The following MMP8 variants were observed in gnomAD, a reference collection of about 807,000 sequenced individuals.
The protein encoded by MMP8 is matrix metallopeptidase 8, also known as neutrophil collagenase.
A neutral mutation model predicts 51.2 loss-of-function variants in MMP8; 67 were observed. The observed-to-expected ratio is 1.31, with a 90% confidence interval of 1.08 to 1.60. MMP8 has a LOEUF of 1.60. MMP8 is among the 40% of genes most tolerant of loss of function. MMP8 has a pLI of 0.00. For synonymous variants in MMP8, 225 were observed against 191.0 expected (o/e 1.18, Z -1.47); for missense variants, 654 against 558.1 (o/e 1.17, Z -1.73).
chr11:102,719,470 T>C (rs1940051), intron 4 of MMP8, among the ~76,000 whole-genome samples: 10,749 of 149,962 alleles, frequency 0.072, 563 homozygotes, highest in East Asian at 0.24. Flanking sequence ...AACATTTTTC[T>C]GAAGTTTTAT....
Position 102,713,863 on chromosome 11 carries a change from A to C in MMP8, c.1191-6T>G, listed in dbSNP as rs747303933. The C allele has an allele frequency of 1.4e-5, 22 of 1,599,348 alleles. No homozygotes were observed. The Admixed American group carries it at 3.9e-4, about 28-fold the overall frequency. On this transcript the variant is annotated splice_region_variant and splice_polypyrimidine_tract_variant and intron_variant, in intron 8 of 9. Coordinates refer to ENST00000236826, the MANE Select transcript of MMP8 (RefSeq NM_002424.3). Reference sequence around the variant, plus strand: ...ATTGTCTTTGGTTATCATATCTGGTAAAAACAAAATGTTATCCGATTTAAC... The same window carrying C: ...ATTGTCTTTGGTTATCATATCTGGTCAAAACAAAATGTTATCCGATTTAAC...
At chr11:102,717,713 T>G in intron 5 of MMP8, among the ~76,000 whole-genome samples, 1 of 152,230 alleles carries the variant, frequency 6.6e-6, no homozygotes. Flanking sequence ...TGGCATGATT[T>G]GTACATGTCC....
At chr11:102,720,955 G>A (rs1591680389) in intron 4 of MMP8, among the ~76,000 whole-genome samples, 2 of 151,440 alleles carry the variant, frequency 1.3e-5, no homozygotes, top group South Asian at 4.2e-4. Context: ...TTAAAATAAA[G>A]ATATTCTAAA....
chr11:102,713,353 C>A lies in MMP8; in HGVS notation c.1399G>T (p.Gly467Cys), dbSNP rs1388453700. Residue 467 changes from glycine to cysteine, a missense_variant, in exon 10 of 10, where the codon GGC becomes TGC. By Grantham distance (159) the Gly-to-Cys change is radical. Coordinates refer to ENST00000236826, the MANE Select transcript of MMP8 (RefSeq NM_002424.3). ...CAGCCACATTTGATTTTGCTTCAGC[C>A]ATATCTACAGTTAAGCCATTTATTG... ...RGNKWLNCRY[G>C] 6.2e-7 allele frequency: 1 copy of A among 1,609,078 alleles called. No homozygotes were observed. The highest frequency in any genetic ancestry group is 8.5e-7 in the Non-Finnish European group (1 of 1,175,942).
intron 4 of MMP8, among the ~76,000 whole-genome samples, chr11:102,720,138 A>C (rs1210102712): frequency 6.6e-6 from 1 of 152,244 alleles, no homozygotes; most frequent in Non-Finnish European, 1.5e-5. Context: ...AGACAAGCCA[A>C]GAAAGACAAG....
intron 5 of MMP8, among the ~76,000 whole-genome samples, chr11:102,717,565 C>G (rs1425184784): frequency 6.6e-6 from 1 of 152,188 alleles, no homozygotes; most frequent in Non-Finnish European, 1.5e-5. Flanking sequence ...ATATGTGCAT[C>G]TAGTACCATG....
chr11:102,717,890 C>T (rs899799237), intron 5 of MMP8, among the ~76,000 whole-genome samples: 4 of 152,114 alleles, frequency 2.6e-5, no homozygotes, highest in Admixed American at 6.5e-5. Context: ...GCAGATCACT[C>T]GAGGTCAGGA....
chr11:102,721,836 G>C, intron 2 of MMP8, 74 bp from the exon 3 acceptor site: 1 of 1,528,776 alleles, frequency 6.5e-7, no homozygotes, highest in Non-Finnish European at 8.9e-7. Context: ...GAGTTGTTCT[G>C]TTTTGAAGTG....
chr11:102,713,588 A>G, intron 9 of MMP8, 131 bp from the exon 10 acceptor site: 1 of 997,742 alleles, frequency 1.0e-6, no homozygotes, highest in Non-Finnish European at 1.5e-6. Flanking sequence ...TTTAAACACC[A>G]GGTGCGGTGG....
chr11:102,714,578 A>G lies in MMP8; in HGVS notation c.1168T>C (p.Phe390Leu). Residue 390 changes from phenylalanine to leucine, a missense_variant, in exon 8 of 10, where the codon TTT becomes CTT. By Grantham distance (22) the Phe-to-Leu change is conservative. Transcript: ENST00000236826. ...AVFYRSKTYF[F>L]VNDQFWRYDN... is the part of the protein sequence containing the mutation. Reference sequence around the variant, plus strand: ...TACCTCCAGAATTGGTCATTTACAAAGAAGTATGTTTTACTTCTGTAGAAA... The same window carrying G: ...TACCTCCAGAATTGGTCATTTACAAGGAAGTATGTTTTACTTCTGTAGAAA... 6.8e-7 allele frequency: 1 copy of G among 1,480,986 alleles called. No individual in the cohort carries two copies. Among genetic ancestry groups the G allele is most frequent in the Non-Finnish European group, 9.0e-7 (1 of 1,114,854 alleles). The allele number at this position is 1,480,986 out of a possible 1,614,324, so 91.7% of individuals were successfully genotyped here.
At chr11:102,719,513 C>G (rs752233696) in intron 4 of MMP8, among the ~76,000 whole-genome samples, 6 of 150,640 alleles carry the variant, frequency 4.0e-5, no homozygotes, top group African/African-American at 1.5e-4. Context: ...TGACTGATGC[C>G]CATAGATTTT....
intron 4 of MMP8, among the ~76,000 whole-genome samples, chr11:102,721,007 T>C (rs1861451862): frequency 6.6e-6 from 1 of 152,244 alleles, no homozygotes; most frequent in South Asian, 2.1e-4. Flanking sequence ...TTTTAGGCTT[T>C]GTAAGCCAAA....
chr11:102,718,415 A>G lies in MMP8; in HGVS notation c.783T>C (p.Tyr261=), dbSNP rs1368663196. The stretch of plus-strand genomic sequence containing the variant: ...ATGACTCTCTTGAGAAGACCTTACC[A>G]TAGATGGCCTGAATGCCATCGATGT... ...QDDIDGIQAI[Y]GLSSNPIQPT... Residue 261 remains tyrosine, a splice_region_variant and synonymous_variant, in exon 5 of 10, where the codon TAT becomes TAC. Coordinates refer to ENST00000236826, the MANE Select transcript of MMP8 (RefSeq NM_002424.3). The G allele has an allele frequency of 3.7e-6, 6 of 1,609,924 alleles. No individual in the cohort carries two copies. Among genetic ancestry groups the G allele is most frequent in the Non-Finnish European group, 5.1e-6 (6 of 1,177,920 alleles).
rs770149442 is a variant in MMP8, at chr11:102,718,419, A to T, written c.779T>A (p.Ile260Asn). The T allele has an allele frequency of 6.2e-7, 1 of 1,610,676 alleles. No individual in the cohort carries two copies. Among genetic ancestry groups the T allele is most frequent in the Admixed American group, 1.7e-5 (1 of 59,526 alleles). ...CTCTCTTGAGAAGACCTTACCATAGATGGCCTGAATGCCATCGATGTCATC... is the reference window on the plus strand; with the variant it reads ...CTCTCTTGAGAAGACCTTACCATAGTTGGCCTGAATGCCATCGATGTCATC... ...PQDDIDGIQA[I>N]YGLSSNPIQP... The change falls in exon 5 of 10, where the codon ATC becomes AAC. Residue 260 changes from isoleucine to asparagine, a missense_variant. Transcript: ENST00000236826.
chr11:102,721,445 T>C lies in MMP8; in HGVS notation c.578A>G (p.Asp193Gly), dbSNP rs34428739. The C allele has an allele frequency of 1.9e-6, 3 of 1,613,796 alleles. No homozygotes were observed. The highest frequency in any genetic ancestry group is 2.5e-6 in the Non-Finnish European group (3 of 1,179,818). ...TGTTTCTTCGGCATCAAAATGAGCA[T>C]CTCCTCCAATACCTTGGCCTGGCTG... Reference protein sequence around the residue: ...AFQPGQGIGGDAHFDAEETWT... With the variant: ...AFQPGQGIGGGAHFDAEETWT... Residue 193 changes from aspartate to glycine, a missense_variant, in exon 4 of 10, where the codon GAT becomes GGT. Asp to Gly is a moderately conservative substitution (Grantham distance 94). Transcript: ENST00000236826.
intron 5 of MMP8, among the ~76,000 whole-genome samples, chr11:102,717,970 G>A (rs1401499917): frequency 6.6e-6 from 1 of 152,112 alleles, no homozygotes; most frequent in Non-Finnish European, 1.5e-5. Flanking sequence ...AGCCAAGTGT[G>A]GTGGTGGGCA....
At chr11:102,715,250 C>T in intron 7 of MMP8, 54 bp downstream of exon 7, 3 of 1,561,232 alleles carry the variant, frequency 1.9e-6, no homozygotes, top group Non-Finnish European at 2.6e-6. Context: ...CAAAGAAGTC[C>T]TGCCCCCTCC....
At chr11:102,720,113 ATAC>A (rs2134309271) in intron 4 of MMP8, among the ~76,000 whole-genome samples, 1 of 152,334 alleles carries the variant, frequency 6.6e-6, no homozygotes, top group South Asian at 2.1e-4. Flanking sequence ...TGTGAATGGA[ATAC>A]GTGAAATAAG....
chr11:102,720,448 C>G (rs1861434953), intron 4 of MMP8, among the ~76,000 whole-genome samples: 1 of 152,150 alleles, frequency 6.6e-6, no homozygotes, highest in Non-Finnish European at 1.5e-5. Context: ...TGGCTACACA[C>G]AGCTCCTAGC....
Sources: gnomAD v4.1 joint callset for allele counts (sites outside exome capture counted in the v4.1 genomes callset) on GRCh38, gnomAD v4.1.1 for gene constraint, MANE v1.5 for transcripts, NCBI Gene and HGNC (gene_info 2026-07-23, HGNC 2026-07-21) for gene names.